Variants in SPON1 observed in about 807,000 individuals in gnomAD.
SPON1 encodes the protein spondin 1.
In SPON1, 52 loss-of-function variants were observed where a neutral mutation model predicts 111.7. The ratio of observed to expected loss-of-function variants is 0.47; its 90% CI spans 0.37 to 0.59. The LOEUF (loss-of-function observed/expected upper bound fraction) is 0.59, where lower values mean the gene tolerates loss of function less well. Ranked by LOEUF, SPON1 falls within the 20% of genes least tolerant of loss-of-function variation. The probability of loss-of-function intolerance (pLI) is 0.00; values close to 1 mark genes in which losing one functional copy is unlikely to be tolerated. For missense variants in SPON1, 957 were observed against 1,068.5 expected (o/e 0.90, Z 1.46); for synonymous variants, 410 against 395.8 (o/e 1.04, Z -0.43).
At chr11:13,975,053 C>A (rs1848091318) in intron 1 of SPON1, among the ~76,000 whole-genome samples, 2 of 152,238 alleles carry the variant, frequency 1.3e-5, no homozygotes, top group South Asian at 4.1e-4. Context: ...CTCCTTGAAG[C>A]CTCTTCGAAT....
In SPON1 at chr11:14,135,446, A is replaced by G. The variant is rs782758732; in HGVS notation, c.703A>G (p.Ile235Val). Residue 235 changes from isoleucine (I) to valine (V), a missense_variant, in exon 6 of 16, where the codon ATC becomes GTC. Coordinates refer to ENST00000576479, the MANE Select transcript of SPON1 (RefSeq NM_006108.4). This position sits in a 1 kb window ranked among gnomAD's most constrained non-coding sequence, Gnocchi z 4.4. The part of the protein sequence containing the change: ...PRRANHWSAI[I>V]GGSHSKNYVL... ...TCGGGCCAACCACTGGTCTGCGATC[A>G]TCGGAGGATCCCACTCCAAGAATTA... 3 of 1,613,390 alleles carry G rather than the reference A, an allele frequency of 1.9e-6. No individual in the cohort carries two copies. Among genetic ancestry groups the G allele is most frequent in the African/African-American group, 1.3e-5 (1 of 75,052 alleles).
At chr11:14,098,153 G>A (rs1055674912) in intron 5 of SPON1, among the ~76,000 whole-genome samples, 3 of 152,098 alleles carry the variant, frequency 2.0e-5, no homozygotes, top group African/African-American at 4.8e-5. Context: ...CTGCCACCAC[G>A]CCCAGCTAAT....
chr11:14,039,727 A>C (rs1282430628), intron 2 of SPON1, among the ~76,000 whole-genome samples: 4 of 152,188 alleles, frequency 2.6e-5, no homozygotes, highest in Admixed American at 2.0e-4. Flanking sequence ...TAAGTTGATG[A>C]ATTTGACTAG....
chr11:14,136,468 C>T lies in SPON1; in HGVS notation c.825+900C>T, dbSNP rs149000053. Among the ~76,000 whole-genome samples the T allele has an allele frequency of 5.3e-4, 80 of 152,290 alleles. No homozygotes were observed. In the Middle Eastern group the frequency reaches 0.02, roughly 39 times the overall value. On this transcript the variant is annotated intron_variant, in intron 6 of 15. Transcript: ENST00000576479. ...CTGTCCCACATCTCCTGAAACAATG[C>T]AGGAGGCTAAGAAAACACCAGGGAC...
chr11:13,975,813 G>T (rs1376296965), intron 1 of SPON1, among the ~76,000 whole-genome samples: 2 of 152,118 alleles, frequency 1.3e-5, no homozygotes, highest in African/African-American at 4.8e-5. Context: ...TTCAATCATT[G>T]TTCCTGAGGA....
At chr11:14,263,023 T>C (rs1554942086) in intron 15 of SPON1, 48 bp downstream of exon 15, 3 of 1,582,380 alleles carry the variant, frequency 1.9e-6, no homozygotes, top group East Asian at 2.2e-5. Context: ...ACAGGCAGGG[T>C]TCTGCACTGG....
chr11:13,996,711 G>GTGTATATATATATATATATATATA (rs535844829), intron 2 of SPON1, among the ~76,000 whole-genome samples: 18 of 145,214 alleles, frequency 1.2e-4, no homozygotes, highest in African/African-American at 5.0e-4. Flanking sequence ...ACCTATGTGT[G>GTGTATATATATATATATATATATA]TATATATATA....
chr11:14,041,395 G>A (rs1848630193), intron 2 of SPON1, 126 bp from the exon 3 acceptor site: 1 of 1,117,732 alleles, frequency 8.9e-7, no homozygotes, highest in South Asian at 1.5e-5. Context: ...CTGGTGCCTG[G>A]GGATACAGAG....
Position 14,265,909 on chromosome 11 carries a change from G to T in SPON1, c.*222G>T. 1 of 489,468 alleles carries T rather than the reference G, an allele frequency of 2.0e-6. No individual in the cohort carries two copies. Among genetic ancestry groups the T allele is most frequent in the Non-Finnish European group, 3.7e-6 (1 of 272,528 alleles). 30.3% of individuals were successfully genotyped at this position (489,468 alleles called of 1,614,324 possible). ...CACCTCCAGCCAGCCTCTTCCTGCA[G>T]AGGAGTAGTGTCAGCCACCTTGTAC... On this transcript the variant is annotated 3_prime_UTR_variant, in exon 16 of 16. Coordinates refer to ENST00000576479, the MANE Select transcript of SPON1 (RefSeq NM_006108.4).
rs1848572011 is a variant in SPON1, at chr11:14,211,205, T to A, written c.826-32127T>A. 2.0e-5 allele frequency among the ~76,000 whole-genome samples: 3 copies of A among 152,320 alleles called. No homozygotes were observed. The South Asian group carries it at 6.2e-4, about 32-fold the overall frequency. On this transcript the variant is annotated intron_variant, in intron 6 of 15. Transcript: ENST00000576479. ...AAGTCAAATTGTCTGTGTTTGCAGA[T>A]GACATGATTGTGTATTTAGAAAACC...
intron 5 of SPON1, among the ~76,000 whole-genome samples, chr11:14,101,013 T>C (rs1198889989): frequency 6.6e-6 from 1 of 152,228 alleles, no homozygotes; most frequent in Non-Finnish European, 1.5e-5. Context: ...TCCATTTTTT[T>C]GTTGTTGTTT....
At chr11:13,987,871 GTAT>G (rs2133784679) in intron 2 of SPON1, among the ~76,000 whole-genome samples, 1 of 152,242 alleles carries the variant, frequency 6.6e-6, no homozygotes, top group South Asian at 2.1e-4. Context: ...TAGTTGTGTG[GTAT>G]TATTTCTGAA....
intron 6 of SPON1, among the ~76,000 whole-genome samples, chr11:14,166,323 G>T (rs1311221720): frequency 6.6e-6 from 1 of 152,094 alleles, no homozygotes; most frequent in Non-Finnish European, 1.5e-5. Flanking sequence ...GGAGAAATCA[G>T]GTAGAAAAGA....
intron 5 of SPON1, among the ~76,000 whole-genome samples, chr11:14,101,436 A>G (rs1554924376): frequency 6.6e-6 from 1 of 151,984 alleles, no homozygotes; most frequent in East Asian, 1.9e-4. Context: ...TAATAAAATA[A>G]TAAAACCTAG....
chr11:14,155,019 C>T lies in SPON1; in HGVS notation c.825+19451C>T, dbSNP rs1847827191. 2.0e-5 allele frequency among the ~76,000 whole-genome samples: 3 copies of T among 152,190 alleles called. No homozygotes were observed. In the South Asian group the frequency reaches 6.2e-4, roughly 31 times the overall value. ...TAAGGCATAGCAAGAGTGCCCTTTA[C>T]TCCAGTTCCCAGTAAGTTCCTCATC... On this transcript the variant is annotated intron_variant, in intron 6 of 15. Coordinates refer to ENST00000576479, the MANE Select transcript of SPON1 (RefSeq NM_006108.4).
At chr11:14,154,613 C>G (rs368270716) in intron 6 of SPON1, among the ~76,000 whole-genome samples, 9 of 152,202 alleles carry the variant, frequency 5.9e-5, no homozygotes, top group South Asian at 2.1e-4. Context: ...TTCTGAAATG[C>G]CTTACAGGCA....
intron 6 of SPON1, among the ~76,000 whole-genome samples, chr11:14,223,791 G>C (rs1015854532): frequency 1.3e-5 from 2 of 152,092 alleles, no homozygotes; most frequent in Non-Finnish European, 2.9e-5. Flanking sequence ...CCAAAGCTAG[G>C]TGCCCTGCCA....
intron 6 of SPON1, among the ~76,000 whole-genome samples, chr11:14,153,042 A>C (rs2133869243): frequency 6.6e-6 from 1 of 152,264 alleles, no homozygotes. Flanking sequence ...ACAACTGCAG[A>C]ATTTGTTGCA....
At position 14,020,616 on chromosome 11, in the gene SPON1, G is replaced by A. The variant is rs1591353171; in HGVS notation, c.346-20905G>A. ...AAGTGGAGGCTGATGTAAGTACGAG[G>A]ATGTTGATTGCAGCCTTGTTTGTTA... On this transcript the variant is annotated intron_variant, in intron 2 of 15. Coordinates refer to ENST00000576479, the MANE Select transcript of SPON1 (RefSeq NM_006108.4). Among the ~76,000 whole-genome samples, 3 of 152,324 alleles carry A rather than the reference G, an allele frequency of 2.0e-5. No homozygotes were observed. In the South Asian group the frequency reaches 6.2e-4, roughly 32 times the overall value.
Sources: allele counts gnomAD v4.1 joint callset (sites outside exome capture counted in the v4.1 genomes callset), GRCh38; gene constraint gnomAD v4.1.1; non-coding constraint Gnocchi (gnomAD v3.1); transcripts MANE v1.5; gene names NCBI Gene and HGNC (gene_info 2026-07-23, HGNC 2026-07-21).